TRAK1: variants seen among roughly 807,000 people sequenced by gnomAD.
TRAK1 encodes trafficking kinesin-binding protein 1.
A neutral mutation model predicts 92.1 loss-of-function variants in TRAK1; 33 were observed. The ratio of observed to expected loss-of-function variants is 0.36; its 90% CI spans 0.27 to 0.48. TRAK1 has a LOEUF of 0.48. TRAK1 is among the 20% of genes least tolerant of loss of function. The probability of loss-of-function intolerance (pLI) is 0.99; values close to 1 mark genes in which losing one functional copy is unlikely to be tolerated. For synonymous variants in TRAK1, 521 were observed against 517.3 expected, an observed-to-expected ratio of 1.01 and a Z score of -0.10; for missense variants, 1,123 against 1,257.9, an observed-to-expected ratio of 0.89 and a Z score of 1.62.
At position 42,091,531 on chromosome 3, in the gene TRAK1, A is replaced by G. The variant is rs527618680; in HGVS notation, c.62A>G (p.His21Arg). Reference protein sequence around the residue: ...VRAQPLPGLCHGKLIRTNACD... With the variant: ...VRAQPLPGLCRGKLIRTNACD... ...GCTCAGCCTCTGCCAGGACTCTGCCACGGCAAGCTCATTCGGACAAACGCC... is the reference window on the plus strand; with the variant it reads ...GCTCAGCCTCTGCCAGGACTCTGCCGCGGCAAGCTCATTCGGACAAACGCC... The change falls in exon 1 of 16, where the codon CAC becomes CGC. Residue 21 changes from histidine to arginine, a missense_variant. Around this residue, in one of 3 missense-constraint regions of TRAK1, gnomAD observed 686 missense variants for 747.6 expected, o/e 0.92. Coordinates refer to ENST00000327628, the MANE Select transcript of TRAK1 (RefSeq NM_001042646.3). 2.5e-6 allele frequency: 4 copies of G among 1,613,124 alleles called. No homozygotes were observed. In the African/African-American group the frequency reaches 4.0e-5, roughly 16 times the overall value.
At chr3:42,179,534 G>T (rs933462440) in intron 3 of TRAK1, among the ~76,000 whole-genome samples, 2 of 152,332 alleles carry the variant, frequency 1.3e-5, no homozygotes, top group African/African-American at 4.8e-5. Flanking sequence ...TACAGAGAGG[G>T]TGATTCCACT....
chr3:42,170,860 G>C (rs556793584), intron 2 of TRAK1, among the ~76,000 whole-genome samples: 2 of 143,664 alleles, frequency 1.4e-5, no homozygotes, highest in South Asian at 4.4e-4. Flanking sequence ...GTCTTGCTCT[G>C]TCGCCCAGGC....
chr3:42,167,936 T>G (rs1702076016), intron 2 of TRAK1, among the ~76,000 whole-genome samples: 1 of 152,206 alleles, frequency 6.6e-6, no homozygotes, highest in African/African-American at 2.4e-5. Flanking sequence ...TAGGGCTTAG[T>G]AGTTAATTCA....
chr3:42,201,648 C>G (rs762370565), intron 12 of TRAK1, among the ~76,000 whole-genome samples: 1 of 151,510 alleles, frequency 6.6e-6, no homozygotes, highest in African/African-American at 2.4e-5. Context: ...TTAATCTTCA[C>G]GGTAAGGCTA....
chr3:42,099,827 T>C lies in TRAK1; in HGVS notation c.91+8267T>C, dbSNP rs375724602. Reference sequence around the variant, plus strand: ...TAACTGTTGTTTCTCCCTATTTATGTGAGTAGAAATGAGAAGGGGCAAAGC... The same window carrying C: ...TAACTGTTGTTTCTCCCTATTTATGCGAGTAGAAATGAGAAGGGGCAAAGC... On this transcript the variant is annotated intron_variant, in intron 1 of 15. Coordinates refer to ENST00000327628, the MANE Select transcript of TRAK1 (RefSeq NM_001042646.3). Among the ~76,000 whole-genome samples the C allele has an allele frequency of 8.7e-4, 133 of 152,300 alleles. 6 individuals are homozygous for C. The South Asian group carries it at 0.019, about 22-fold the overall frequency.
At position 42,202,439 on chromosome 3, in the gene TRAK1, C is replaced by T. The variant is rs777263436; in HGVS notation, c.1431C>T (p.Asn477=). ...ILETEAADLG[N]DERSKKPGTP... ...TCACACCCCTTTCTTCTTCCAGAAA[C>T]GATGAGCGGAGTAAGAAGCCGGGGA... Residue 477 remains asparagine (N), a synonymous_variant, in exon 13 of 16, where the codon AAC becomes AAT. Transcript: ENST00000327628. This position sits in a 1 kb window ranked among gnomAD's most constrained non-coding sequence, Gnocchi z 6.1. 19 of 1,477,198 alleles carry T rather than the reference C, an allele frequency of 1.3e-5. No homozygotes were observed. The highest frequency in any genetic ancestry group is 4.7e-5 in the Admixed American group (2 of 43,000). 91.5% of individuals were successfully genotyped at this position (1,477,198 alleles called of 1,614,324 possible). A position where few individuals can be genotyped will look rare whatever the true frequency, so the allele number is the denominator to read the frequency against.
At chr3:42,030,576 G>A (rs1702093614) in intron 1 of TRAK1, among the ~76,000 whole-genome samples, 2 of 148,142 alleles carry the variant, frequency 1.4e-5, no homozygotes, top group Non-Finnish European at 3.0e-5. Flanking sequence ...GGGAGACTGA[G>A]GCAGGAATAT....
chr3:42,104,290 G>A (rs1244742060), intron 1 of TRAK1, among the ~76,000 whole-genome samples: 1 of 152,216 alleles, frequency 6.6e-6, no homozygotes, highest in Admixed American at 6.5e-5. Context: ...TGAACAAAAG[G>A]CAGCAGAAAC....
At chr3:42,068,358 G>A (rs897818501) in intron 1 of TRAK1, among the ~76,000 whole-genome samples, 1 of 152,068 alleles carries the variant, frequency 6.6e-6, no homozygotes, top group Non-Finnish European at 1.5e-5. Flanking sequence ...TAGAGACTGA[G>A]TTTCACTATG....
intron 1 of TRAK1, among the ~76,000 whole-genome samples, chr3:42,055,267 A>T (rs770349451): frequency 1.3e-5 from 2 of 152,150 alleles, no homozygotes. Flanking sequence ...CAAGGATACA[A>T]AATAGTTCTG....
At chr3:42,211,181 C>T (rs1708987378) in intron 14 of TRAK1, 6 of 985,216 alleles carry the variant, frequency 6.1e-6, no homozygotes, top group Non-Finnish European at 7.2e-6. Context: ...CACAACACTC[C>T]CCTTGAAATA....
At chr3:42,153,958 T>G (rs1700243685) in intron 2 of TRAK1, among the ~76,000 whole-genome samples, 1 of 152,078 alleles carries the variant, frequency 6.6e-6, no homozygotes, top group Non-Finnish European at 1.5e-5. Context: ...CTGTGGTTAT[T>G]AAGGGGATTA....
At chr3:42,108,723 C>T (rs1707933475) in intron 1 of TRAK1, among the ~76,000 whole-genome samples, 2 of 151,866 alleles carry the variant, frequency 1.3e-5, no homozygotes, top group Admixed American at 1.3e-4. Flanking sequence ...AATCTGGTGG[C>T]ACATACTCTA....
chr3:42,139,503 C>T (rs918202040), intron 2 of TRAK1, among the ~76,000 whole-genome samples: 1 of 152,142 alleles, frequency 6.6e-6, no homozygotes, highest in African/African-American at 2.4e-5. Flanking sequence ...AAGGCAGCCT[C>T]ATACCAGGGT....
chr3:42,103,586 G>A (rs1049982108), intron 1 of TRAK1, among the ~76,000 whole-genome samples: 3 of 152,250 alleles, frequency 2.0e-5, no homozygotes, highest in East Asian at 3.9e-4. Context: ...AGTGGTCATC[G>A]ATGCTATTCG....
chr3:42,019,129 G>GA (rs1262841474), intron 1 of TRAK1, among the ~76,000 whole-genome samples: 16 of 149,638 alleles, frequency 1.1e-4, no homozygotes, highest in African/African-American at 2.7e-4. Flanking sequence ...AAAAGAAAAA[G>GA]AAAAAAAAAG....
At chr3:42,077,950 C>T (rs754895058) in intron 1 of TRAK1, among the ~76,000 whole-genome samples, 2 of 152,222 alleles carry the variant, frequency 1.3e-5, no homozygotes, top group Non-Finnish European at 1.5e-5. Context: ...CCAGGCCTGG[C>T]AGCCACCCAC....
intron 1 of TRAK1, among the ~76,000 whole-genome samples, chr3:42,040,699 C>T (rs1426587784): frequency 2.8e-5 from 4 of 140,424 alleles, no homozygotes; most frequent in Non-Finnish European, 4.6e-5. Context: ...TTTTTTGAGA[C>T]GGAGTCTCAC....
Position 42,109,641 on chromosome 3 carries a change from G to A in TRAK1, c.92-15779G>A, listed in dbSNP as rs1708064782. ...ATTTGTTCCTGAAAACATTGTGTGT[G>A]TTCATGCACACGTATGTTTATTGTG... On this transcript the variant is annotated intron_variant, in intron 1 of 15. Transcript: ENST00000327628. 2.0e-5 allele frequency among the ~76,000 whole-genome samples: 3 copies of A among 152,104 alleles called. No homozygotes were observed. The South Asian group carries it at 6.2e-4, about 32-fold the overall frequency.
Sources: gnomAD v4.1 joint callset for allele counts (sites outside exome capture counted in the v4.1 genomes callset) on GRCh38, gnomAD v4.1.1 for gene constraint, gnomAD v4.1.1 regional missense constraint, Gnocchi (gnomAD v3.1) non-coding constraint, MANE v1.5 for transcripts, NCBI Gene and HGNC (gene_info 2026-07-23, HGNC 2026-07-21) for gene names.